Variants in CMSS1 observed in about 807,000 individuals in gnomAD.
The protein encoded by CMSS1 is cms1 ribosomal small subunit homolog, also known as protein CMSS1.
Under a neutral mutation model 43.5 loss-of-function variants are expected in CMSS1, and 33 were observed. The observed-to-expected ratio is 0.76, with a 90% confidence interval of 0.57 to 1.01. CMSS1 has a LOEUF of 1.01. CMSS1 is among the 50% of genes least tolerant of loss of function. The pLI, the probability that CMSS1 is intolerant of heterozygous loss-of-function variation, is 0.00. For synonymous variants in CMSS1, 115 were observed against 117.2 expected, an observed-to-expected ratio of 0.98 and a Z score of 0.12; for missense variants, 313 against 326.4, an observed-to-expected ratio of 0.96 and a Z score of 0.32.
At chr3:99,963,204 G>C (rs1708545632) in intron 1 of CMSS1, among the ~76,000 whole-genome samples, 1 of 152,218 alleles carries the variant, frequency 6.6e-6, no homozygotes, top group South Asian at 2.1e-4. Flanking sequence ...CTTAATGCTA[G>C]CAACCATGAA....
At chr3:99,971,837 C>T (rs147864265) in intron 1 of CMSS1, among the ~76,000 whole-genome samples, 305 of 152,192 alleles carry the variant, frequency 2.0e-3, no homozygotes, top group African/African-American at 6.9e-3. Flanking sequence ...TGAATAATGA[C>T]GTTGGGGCCT....
chr3:99,996,177 A>C (rs1302356649), intron 1 of CMSS1, among the ~76,000 whole-genome samples: 1 of 152,110 alleles, frequency 6.6e-6, no homozygotes, highest in East Asian at 1.9e-4. Flanking sequence ...GCTGCTTAGA[A>C]ATTTCTTCCA....
At chr3:100,055,053 T>G (rs965558148) in intron 1 of CMSS1, among the ~76,000 whole-genome samples, 18 of 152,324 alleles carry the variant, frequency 1.2e-4, no homozygotes, top group African/African-American at 4.3e-4. Context: ...CATAGTATTT[T>G]GTTGTCAGGT....
intron 1 of CMSS1, among the ~76,000 whole-genome samples, chr3:100,103,859 G>A (rs929393234): frequency 6.6e-6 from 1 of 152,182 alleles, no homozygotes; most frequent in Non-Finnish European, 1.5e-5. Context: ...TGTGTTGGCA[G>A]CATTATCAAT....
At position 100,109,318 on chromosome 3, in the gene CMSS1, C is replaced by A. The variant is rs951489157; in HGVS notation, c.65-37655C>A. 8.6e-5 allele frequency among the ~76,000 whole-genome samples: 13 copies of A among 152,046 alleles called. No individual in the cohort carries two copies. In the East Asian group the frequency reaches 2.5e-3, roughly 29 times the overall value. On this transcript the variant is annotated intron_variant, in intron 1 of 9. Transcript: ENST00000421999. ...GAAGTGGGATTCTCTCAATATAGAGCCACACAATAAGGTATGCTTTACATA... is the reference window on the plus strand; with the variant it reads ...GAAGTGGGATTCTCTCAATATAGAGACACACAATAAGGTATGCTTTACATA...
At chr3:100,069,807 A>G (rs2065729837) in intron 1 of CMSS1, among the ~76,000 whole-genome samples, 2 of 152,166 alleles carry the variant, frequency 1.3e-5, no homozygotes, top group African/African-American at 4.8e-5. Context: ...TCTATTTGTG[A>G]GGGCATAAGC....
chr3:99,852,212 G>A (rs1256727651), intron 1 of CMSS1, among the ~76,000 whole-genome samples: 1 of 152,188 alleles, frequency 6.6e-6, no homozygotes, highest in Non-Finnish European at 1.5e-5. Flanking sequence ...CAGCTTTGCA[G>A]TACTGTTATA....
At chr3:100,164,853 T>G (rs1470342307) in intron 4 of CMSS1, among the ~76,000 whole-genome samples, 1 of 152,210 alleles carries the variant, frequency 6.6e-6, no homozygotes, top group Non-Finnish European at 1.5e-5. Flanking sequence ...TTTGAGGTTG[T>G]TTGTGTCTGT....
chr3:100,008,644 A>G (rs1222498640), intron 1 of CMSS1, among the ~76,000 whole-genome samples: 1 of 152,264 alleles, frequency 6.6e-6, no homozygotes, highest in Non-Finnish European at 1.5e-5. Flanking sequence ...ATAATTATTA[A>G]GTAATTATAA....
intron 1 of CMSS1, among the ~76,000 whole-genome samples, chr3:99,877,292 C>T (rs564403114): frequency 2.0e-5 from 3 of 152,228 alleles, no homozygotes; most frequent in East Asian, 3.9e-4. Flanking sequence ...GTACATATGT[C>T]TGTAGAATTA....
chr3:99,822,373 C>G (rs1320491926), intron 1 of CMSS1, among the ~76,000 whole-genome samples: 1 of 152,188 alleles, frequency 6.6e-6, no homozygotes, highest in East Asian at 1.9e-4. Context: ...TTCCCAAGCA[C>G]CTAACTAGAA....
chr3:100,094,812 T>C (rs1279327205), intron 1 of CMSS1, among the ~76,000 whole-genome samples: 1 of 150,028 alleles, frequency 6.7e-6, no homozygotes, highest in Non-Finnish European at 1.5e-5. Flanking sequence ...GCCTCCCAAG[T>C]AGCTGGGACT....
chr3:99,983,432 GTATATA>G (rs1339536030), intron 1 of CMSS1, among the ~76,000 whole-genome samples: 409 of 33,402 alleles, frequency 0.012, 10 homozygotes, highest in African/African-American at 0.041. Flanking sequence ...ATGTATGTAT[GTATATA>G]TATGTATGTA....
At chr3:100,037,968 G>GA (rs746576334) in intron 1 of CMSS1, among the ~76,000 whole-genome samples, 5 of 15,102 alleles carry the variant, frequency 3.3e-4, no homozygotes, top group South Asian at 5.0e-3. Flanking sequence ...GGGGGGGAGG[G>GA]AACAGAGTCT....
rs373797548 is a variant in CMSS1 at position 99,853,570 on chromosome 3, T to C, written c.64+35527T>C. ...ATTCAGTTGCTTCCATTTTGTTCAG[T>C]GTTTTTGGAGTAGGCATGATGCATA... On this transcript the variant is annotated intron_variant, in intron 1 of 9. Coordinates refer to ENST00000421999, the MANE Select transcript of CMSS1 (RefSeq NM_032359.4). Among the ~76,000 whole-genome samples, 5 of 152,314 alleles carry C rather than the reference T, an allele frequency of 3.3e-5. No homozygotes were observed. In the East Asian group the frequency reaches 7.7e-4, roughly 23 times the overall value.
intron 8 of CMSS1, among the ~76,000 whole-genome samples, chr3:100,173,983 C>A (rs1421008821): frequency 6.6e-6 from 1 of 152,170 alleles, no homozygotes; most frequent in African/African-American, 2.4e-5. Flanking sequence ...ATAAAGAGCT[C>A]AGCACAGTAA....
chr3:100,141,096 A>C (rs1174092279), intron 1 of CMSS1, among the ~76,000 whole-genome samples: 1 of 152,150 alleles, frequency 6.6e-6, no homozygotes, highest in Non-Finnish European at 1.5e-5. Flanking sequence ...GAGGTTTCCT[A>C]CATTCCAAAC....
chr3:99,981,556 A>ATATC (rs1486029817), intron 1 of CMSS1, among the ~76,000 whole-genome samples: 1 of 152,212 alleles, frequency 6.6e-6, no homozygotes, highest in African/African-American at 2.4e-5. Context: ...CACACAGTGT[A>ATATC]TATCTATATA....
At chr3:100,143,663 A>C (rs1050021766) in intron 1 of CMSS1, among the ~76,000 whole-genome samples, 2 of 152,150 alleles carry the variant, frequency 1.3e-5, no homozygotes, top group Admixed American at 6.5e-5. Context: ...CAAGTCAATT[A>C]TGGATTTATC....
Sources: allele counts gnomAD v4.1 joint callset (sites outside exome capture counted in the v4.1 genomes callset), GRCh38; gene constraint gnomAD v4.1.1; transcripts MANE v1.5; gene names NCBI Gene and HGNC (gene_info 2026-07-23, HGNC 2026-07-21).